SLC24A2: variants seen among roughly 807,000 people sequenced by gnomAD.
SLC24A2 encodes sodium/potassium/calcium exchanger 2.
A neutral mutation model predicts 62.0 loss-of-function variants in SLC24A2; 36 were observed. The ratio of observed to expected loss-of-function variants is 0.58; its 90% CI spans 0.44 to 0.77. SLC24A2 has a LOEUF of 0.77. SLC24A2 is among the 30% of genes least tolerant of loss of function. SLC24A2 has a pLI of 0.00. For missense variants in SLC24A2, 846 were observed against 817.9 expected (o/e 1.03, Z -0.42); for synonymous variants, 358 against 294.0 (o/e 1.22, Z -2.23).
chr9:19,754,224 C>T (rs967048570), intron 2 of SLC24A2, among the ~76,000 whole-genome samples: 1 of 152,160 alleles, frequency 6.6e-6, no homozygotes, highest in Admixed American at 6.5e-5. Context: ...GCCACAGGCC[C>T]TGCCCCACTC....
intron 2 of SLC24A2, among the ~76,000 whole-genome samples, chr9:19,625,601 T>C (rs764040157): frequency 7.9e-5 from 12 of 152,168 alleles, no homozygotes; most frequent in Non-Finnish European, 1.2e-4. Flanking sequence ...ATTAGTCATA[T>C]GGTGACTGCA....
chr9:19,810,342 C>T, the SLC24A2 span, among the ~76,000 whole-genome samples: 17 of 152,282 alleles, frequency 1.1e-4, no homozygotes, highest in African/African-American at 3.9e-4. Flanking sequence ...TTAATATTTG[C>T]AGGTATTTTA....
At chr9:19,576,127 G>A (rs576011863) in intron 6 of SLC24A2, among the ~76,000 whole-genome samples, 2 of 152,318 alleles carry the variant, frequency 1.3e-5, no homozygotes, top group African/African-American at 4.8e-5. Context: ...AGGAAAGGCA[G>A]AAACTCTTCT....
chr9:19,889,962 C>T, the SLC24A2 span, among the ~76,000 whole-genome samples: 7 of 152,212 alleles, frequency 4.6e-5, no homozygotes, highest in Non-Finnish European at 5.9e-5. Context: ...CAAGCCTCAT[C>T]AAATTGCATT....
chr9:20,032,534 G>A, the SLC24A2 span, among the ~76,000 whole-genome samples: 4 of 152,040 alleles, frequency 2.6e-5, no homozygotes, highest in African/African-American at 9.7e-5. Flanking sequence ...CCCAAGGGTC[G>A]GGTTACCATT....
At chr9:19,950,684 C>G in the SLC24A2 span, among the ~76,000 whole-genome samples, 2 of 152,136 alleles carry the variant, frequency 1.3e-5, no homozygotes, top group Non-Finnish European at 2.9e-5. Flanking sequence ...ACAAAAATCA[C>G]CCCCCTCATG....
the SLC24A2 span, among the ~76,000 whole-genome samples, chr9:19,880,808 C>T: frequency 2.6e-5 from 4 of 152,184 alleles, no homozygotes; most frequent in South Asian, 8.3e-4. Context: ...AACGATCAAA[C>T]CAAAGATTTT....
chr9:19,808,190 G>A, the SLC24A2 span, among the ~76,000 whole-genome samples: 3 of 152,112 alleles, frequency 2.0e-5, no homozygotes, highest in African/African-American at 7.2e-5. This position sits in a 1 kb window ranked among gnomAD's most constrained non-coding sequence, Gnocchi z 4.1. Context: ...GTGCTGGAAG[G>A]TGCCCGAAAT....
chr9:20,063,495 G>A, the SLC24A2 span, among the ~76,000 whole-genome samples: 1 of 118,282 alleles, frequency 8.5e-6, no homozygotes, highest in African/African-American at 3.2e-5. Context: ...ACTGTTGTGG[G>A]GTGGGGGGAG....
chr9:19,646,543 C>T (rs926293151), intron 2 of SLC24A2, among the ~76,000 whole-genome samples: 2 of 152,204 alleles, frequency 1.3e-5, no homozygotes. Context: ...AGGGACGGAT[C>T]TGTGTGCAGG....
At chr9:20,098,104 G>A in the SLC24A2 span, among the ~76,000 whole-genome samples, 1 of 152,072 alleles carries the variant, frequency 6.6e-6, no homozygotes, top group Non-Finnish European at 1.5e-5. Context: ...TATAAAAGCT[G>A]GGGGAAAAGA....
intron 7 of SLC24A2, among the ~76,000 whole-genome samples, chr9:19,555,814 A>T (rs959717207): frequency 3.9e-5 from 6 of 152,110 alleles, no homozygotes; most frequent in African/African-American, 1.4e-4. Flanking sequence ...GTGTGATGAC[A>T]GGTGCCTGTA....
chr9:19,897,312 T>C, the SLC24A2 span, among the ~76,000 whole-genome samples: 3 of 152,292 alleles, frequency 2.0e-5, no homozygotes, highest in East Asian at 5.8e-4. Flanking sequence ...TTGTTTTTCA[T>C]ATTTATAAAT....
the SLC24A2 span, among the ~76,000 whole-genome samples, chr9:20,068,721 G>A: frequency 1.3e-5 from 2 of 152,154 alleles, no homozygotes; most frequent in African/African-American, 4.8e-5. Flanking sequence ...AAATATAGGG[G>A]ATTTGTTTCA....
intron 2 of SLC24A2, among the ~76,000 whole-genome samples, chr9:19,697,530 C>G (rs924086994): frequency 7.2e-5 from 11 of 152,176 alleles, no homozygotes; most frequent in Admixed American, 2.6e-4. Context: ...TAAAAAGTAT[C>G]TGTTCTTTTT....
intron 10 of SLC24A2, among the ~76,000 whole-genome samples, chr9:19,519,220 C>A (rs757857852): frequency 2.0e-5 from 3 of 151,988 alleles, no homozygotes; most frequent in Admixed American, 1.3e-4. Flanking sequence ...AAAATAAAAG[C>A]CTTCCAAGTA....
intron 7 of SLC24A2, among the ~76,000 whole-genome samples, chr9:19,554,763 T>C (rs551962408): frequency 5.9e-5 from 9 of 152,168 alleles, no homozygotes; most frequent in Admixed American, 1.3e-4. Context: ...CAGCAGAAGA[T>C]AATCTTGGGC....
intron 2 of SLC24A2, among the ~76,000 whole-genome samples, chr9:19,682,588 A>AAGG (rs1316765335): frequency 6.6e-6 from 1 of 152,176 alleles, no homozygotes; most frequent in Non-Finnish European, 1.5e-5. Context: ...TCCATGGCAA[A>AAGG]GTATAACCAC....
chr9:19,995,316 C>A, the SLC24A2 span, among the ~76,000 whole-genome samples: 1 of 152,096 alleles, frequency 6.6e-6, no homozygotes, highest in Non-Finnish European at 1.5e-5. Flanking sequence ...ATATGTTCAT[C>A]CTTCAGTCTC....
Sources: gnomAD v4.1 joint callset for allele counts (sites outside exome capture counted in the v4.1 genomes callset) on GRCh38, gnomAD v4.1.1 for gene constraint, Gnocchi (gnomAD v3.1) non-coding constraint, MANE v1.5 for transcripts, NCBI Gene and HGNC (gene_info 2026-07-23, HGNC 2026-07-21) for gene names.